MTRF1L: variants seen among roughly 807,000 people sequenced by gnomAD.
MTRF1L encodes the protein peptide chain release factor 1-like, mitochondrial.
In MTRF1L, 29 loss-of-function variants were observed where a neutral mutation model predicts 40.0. The ratio of observed to expected loss-of-function variants is 0.73; its 90% CI spans 0.54 to 0.99. MTRF1L has a LOEUF of 0.99. Ranked by LOEUF, MTRF1L falls within the 50% of genes least tolerant of loss-of-function variation. The pLI is 0.00. For synonymous variants in MTRF1L, 150 were observed against 175.8 expected (o/e 0.85, Z 1.16); for missense variants, 412 against 464.5 (o/e 0.89, Z 1.04).
intron 2 of MTRF1L, chr6:152,998,218 C>A: frequency 6.8e-6 from 1 of 147,588 alleles, no homozygotes; most frequent in Non-Finnish European, 1.5e-5. Flanking sequence ...CCAGAAAATA[C>A]TATCACTGTG....
chr6:152,991,466 T>C (rs536199738), intron 5 of MTRF1L, 145 bp from the exon 6 acceptor site: 3 of 948,308 alleles, frequency 3.2e-6, no homozygotes, highest in Non-Finnish European at 2.9e-6. Context: ...GGAGAGACTA[T>C]AAGCTTAACT....
intron 2 of MTRF1L, among the ~76,000 whole-genome samples, chr6:152,996,713 ACT>A (rs1778727302): frequency 6.6e-6 from 1 of 152,058 alleles, no homozygotes; most frequent in Non-Finnish European, 1.5e-5. Flanking sequence ...TTCTTCATTA[ACT>A]CTATATGTTC....
At chr6:152,998,065 A>T (rs564419269) in intron 2 of MTRF1L, among the ~76,000 whole-genome samples, 1 of 148,856 alleles carries the variant, frequency 6.7e-6, no homozygotes, top group Non-Finnish European at 1.5e-5. Flanking sequence ...GTTTATATAT[A>T]TATTTTTTTA....
At chr6:152,991,081 A>T in intron 6 of MTRF1L, 104 bp downstream of exon 6, 1 of 711,958 alleles carries the variant, frequency 1.4e-6, no homozygotes, top group Non-Finnish European at 2.2e-6. Flanking sequence ...ATTGTTTTCA[A>T]CACAGGTTAA....
At chr6:152,990,182 G>A in intron 6 of MTRF1L, 87 bp from the exon 7 acceptor site, 1 of 1,511,478 alleles carries the variant, frequency 6.6e-7, no homozygotes, top group Non-Finnish European at 8.9e-7. Flanking sequence ...TTAAGTTCTT[G>A]ATTTATAACA....
In MTRF1L at chr6:153,001,648, T is replaced by A. The variant is rs546816582; in HGVS notation, c.259+779A>T. Among the ~76,000 whole-genome samples the A allele has an allele frequency of 4.7e-4, 71 of 152,314 alleles. 1 individual carries two copies. Among genetic ancestry groups the A allele is most frequent in the African/African-American group, 1.7e-3 (70 of 41,570 alleles). The stretch of plus-strand genomic sequence containing the variant: ...CTAAGACTTTTCTTAGAACTAACTC[T>A]CTCCCTCATCCTTCTCAGGGCATAA... On this transcript the variant is annotated intron_variant, in intron 1 of 6. Transcript: ENST00000367233.
intron 6 of MTRF1L, 60 bp from the exon 7 acceptor site, chr6:152,990,155 T>A (rs533542149): frequency 6.4e-7 from 1 of 1,568,210 alleles, no homozygotes; most frequent in Non-Finnish European, 8.6e-7. Context: ...ACCTACAAAT[T>A]TAACTTATTT....
chr6:152,992,992 T>C lies in MTRF1L; in HGVS notation c.688-18A>G, dbSNP rs1307890306. ...AGATTAATCTATACAGAAGAAAAGT[T>C]GGGATTTTAAAAGATTACATGTATC... is the stretch of plus-strand genomic sequence containing the variant. On this transcript the variant is annotated intron_variant, in intron 4 of 6. Coordinates refer to ENST00000367233, the MANE Select transcript of MTRF1L (RefSeq NM_019041.7). The C allele has an allele frequency of 6.2e-7, 1 of 1,601,324 alleles. No individual in the cohort carries two copies. The highest frequency in any genetic ancestry group is 1.1e-5 in the South Asian group (1 of 90,752).
chr6:152,991,696 G>A lies in MTRF1L; in HGVS notation c.806-375C>T, dbSNP rs186854582. 1.5e-3 allele frequency among the ~76,000 whole-genome samples: 235 copies of A among 152,176 alleles called. 1 individual carries two copies. The East Asian group carries it at 0.018, about 12-fold the overall frequency. ...CGAGTAGCTGGGATTACAGGTGCCC[G>A]CCATCACGCCCGGCTAATTTTTTTT... On this transcript the variant is annotated intron_variant, in intron 5 of 6. Coordinates refer to ENST00000367233, the MANE Select transcript of MTRF1L (RefSeq NM_019041.7).
At position 152,994,552 on chromosome 6, in the gene MTRF1L, A is replaced by G. The variant is rs1778642507; in HGVS notation, c.648T>C (p.Thr216=). The change falls in exon 4 of 7, where the codon ACT becomes ACC. Residue 216 remains threonine, a synonymous_variant. Coordinates refer to ENST00000367233, the MANE Select transcript of MTRF1L (RefSeq NM_019041.7). ...GTAATATTGCTACAGTCATGGTGCT[A>G]GTATGGACGCGGCCTTGCTTTTCTG... ...PKTEKQGRVH[T]STMTVAILPQ... 1 of 1,612,272 alleles carries G rather than the reference A, an allele frequency of 6.2e-7. No homozygotes were observed. Among genetic ancestry groups the G allele is most frequent in the East Asian group, 2.2e-5 (1 of 44,858 alleles).
intron 1 of MTRF1L, among the ~76,000 whole-genome samples, chr6:153,000,316 T>C (rs1372659415): frequency 6.6e-6 from 1 of 152,244 alleles, no homozygotes; most frequent in Non-Finnish European, 1.5e-5. Context: ...GTAATTAACA[T>C]AAACATATTA....
Position 153,002,626 on chromosome 6 carries a change from G to A in MTRF1L, c.60C>T (p.Gly20=). The stretch of plus-strand genomic sequence containing the variant: ...CGGAGCTCAGGGGCCGGCGGGCTGG[G>A]CCAACGGCCCGGCGGGGCCAGAGCC... The part of the protein sequence containing the change: ...ARWLWPRRAV[G]PARRPLSSGS... The change falls in exon 1 of 7, where the codon GGC becomes GGT. Residue 20 remains glycine, a synonymous_variant. Transcript: ENST00000367233. 1 of 1,533,944 alleles carries A rather than the reference G, an allele frequency of 6.5e-7. No individual in the cohort carries two copies. Among genetic ancestry groups the A allele is most frequent in the African/African-American group, 1.4e-5 (1 of 72,182 alleles).
At chr6:152,995,522 A>G (rs1043043612) in intron 2 of MTRF1L, among the ~76,000 whole-genome samples, 4 of 152,188 alleles carry the variant, frequency 2.6e-5, no homozygotes, top group Non-Finnish European at 5.9e-5. Flanking sequence ...CAACCATATT[A>G]TAAATGCTGT....
At position 152,995,336 on chromosome 6, in the gene MTRF1L, A is replaced by G. The variant is rs1323550361; in HGVS notation, c.340-17T>C. On this transcript the variant is annotated splice_polypyrimidine_tract_variant and intron_variant, in intron 2 of 6. Transcript: ENST00000367233. ...TAAGATAATCTGTAAATATAAAAATATCACCCCTCCTATAATTAAGATTTA... is the reference window on the plus strand; with the variant it reads ...TAAGATAATCTGTAAATATAAAAATGTCACCCCTCCTATAATTAAGATTTA... 2.0e-6 allele frequency: 3 copies of G among 1,534,910 alleles called. No homozygotes were observed. The African/African-American group carries it at 4.2e-5, about 22-fold the overall frequency.
chr6:152,993,094 T>C, intron 4 of MTRF1L, 120 bp from the exon 5 acceptor site: 1 of 755,508 alleles, frequency 1.3e-6, no homozygotes, highest in Non-Finnish European at 2.2e-6. Context: ...AGGTTTAATT[T>C]TAAGACTAGA....
intron 1 of MTRF1L, 52 bp downstream of exon 1, chr6:153,002,375 A>G: frequency 6.2e-7 from 1 of 1,613,616 alleles, no homozygotes; most frequent in East Asian, 2.2e-5. Context: ...GAAAAGTCAA[A>G]CGAAGAGTCA....
chr6:152,994,806 A>T, intron 3 of MTRF1L, 130 bp from the exon 4 acceptor site: 1 of 1,096,146 alleles, frequency 9.1e-7, no homozygotes, highest in Non-Finnish European at 1.3e-6. Flanking sequence ...ACTGTAAAAC[A>T]TATTAAAATA....
At chr6:152,997,622 G>A (rs902537600) in intron 2 of MTRF1L, among the ~76,000 whole-genome samples, 3 of 152,114 alleles carry the variant, frequency 2.0e-5, no homozygotes, top group Non-Finnish European at 4.4e-5. Context: ...TCTTTTTGGG[G>A]ATTCTCAAGG....
chr6:152,994,751 T>C (rs1562301079), intron 3 of MTRF1L, 75 bp from the exon 4 acceptor site: 2 of 1,541,082 alleles, frequency 1.3e-6, no homozygotes, highest in Non-Finnish European at 1.8e-6. Flanking sequence ...ACATCTACTA[T>C]CTTGAGGTAT....
Sources: allele counts gnomAD v4.1 joint callset (sites outside exome capture counted in the v4.1 genomes callset), GRCh38; gene constraint gnomAD v4.1.1; transcripts MANE v1.5; gene names NCBI Gene and HGNC (gene_info 2026-07-23, HGNC 2026-07-21).